Variants in TANC2 observed in about 807,000 individuals in gnomAD.
TANC2 encodes the protein protein TANC2.
TANC2 carries 26 observed loss-of-function variants against 210.5 expected under a neutral mutation model. The ratio of observed to expected loss-of-function variants is 0.12; its 90% CI spans 0.09 to 0.17. The LOEUF is 0.17. Among genes scored for constraint, TANC2 ranks in the 10% least tolerant of loss-of-function variants. The pLI is 1.00. For missense variants in TANC2, 2,129 were observed against 2,608.9 expected, an observed-to-expected ratio of 0.82 and a Z score of 4.01; for synonymous variants, 931 against 967.1, an observed-to-expected ratio of 0.96 and a Z score of 0.69.
intron 2 of TANC2, among the ~76,000 whole-genome samples, chr17:63,034,296 T>G (rs1382109739): frequency 6.6e-6 from 1 of 152,204 alleles, no homozygotes; most frequent in Non-Finnish European, 1.5e-5. Flanking sequence ...ATACTCTACC[T>G]GTGCTCTATA....
intron 9 of TANC2, among the ~76,000 whole-genome samples, chr17:63,280,044 C>CA (rs564305593): frequency 6.6e-6 from 1 of 152,076 alleles, no homozygotes; most frequent in South Asian, 2.1e-4. Flanking sequence ...ACTCAATTCT[C>CA]ATATGTTTAA....
chr17:63,207,780 C>T (rs1239537170), intron 7 of TANC2, among the ~76,000 whole-genome samples: 2 of 152,094 alleles, frequency 1.3e-5, no homozygotes, highest in African/African-American at 2.4e-5. Flanking sequence ...AGAAATGTGT[C>T]TCTTTCAACT....
At chr17:63,225,014 A>G (rs2145962103) in intron 7 of TANC2, among the ~76,000 whole-genome samples, 1 of 152,092 alleles carries the variant, frequency 6.6e-6, no homozygotes, top group East Asian at 1.9e-4. Flanking sequence ...TTTAATTAGG[A>G]TTTAAACATG....
chr17:63,205,074 G>A (rs1409001449), intron 7 of TANC2, among the ~76,000 whole-genome samples: 1 of 152,002 alleles, frequency 6.6e-6, no homozygotes, highest in Non-Finnish European at 1.5e-5. Context: ...AACTGAGCAA[G>A]ACCCTGTCTC....
At chr17:63,005,663 G>A (rs1568311047) in intron 1 of TANC2, among the ~76,000 whole-genome samples, 1 of 151,926 alleles carries the variant, frequency 6.6e-6, no homozygotes, top group Non-Finnish European at 1.5e-5. Flanking sequence ...AGTTTTCAGT[G>A]TCTTTTGTTA....
intron 2 of TANC2, among the ~76,000 whole-genome samples, chr17:63,033,306 T>C (rs1372015292): frequency 1.3e-5 from 2 of 152,152 alleles, no homozygotes; most frequent in Non-Finnish European, 2.9e-5. Context: ...GCTGAAAGTT[T>C]CCCCTGATTT....
chr17:63,204,090 G>A (rs1311476654), intron 7 of TANC2, among the ~76,000 whole-genome samples: 1 of 145,180 alleles, frequency 6.9e-6, no homozygotes, highest in African/African-American at 2.5e-5. Context: ...TCGGTGTGTG[G>A]ATTCATTCAT....
intron 2 of TANC2, among the ~76,000 whole-genome samples, chr17:63,022,574 G>A (rs1247544931): frequency 6.6e-6 from 1 of 152,188 alleles, no homozygotes; most frequent in East Asian, 1.9e-4. Flanking sequence ...CAAAACAAGA[G>A]TGTGACCTGA....
At chr17:63,372,852 A>G (rs1358946445) in intron 14 of TANC2, among the ~76,000 whole-genome samples, 1 of 149,932 alleles carries the variant, frequency 6.7e-6, no homozygotes, top group Non-Finnish European at 1.5e-5. Flanking sequence ...GGCCTTTATG[A>G]CCATATCTGA....
chr17:63,369,691 T>A (rs2047209285), intron 14 of TANC2, among the ~76,000 whole-genome samples: 1 of 151,640 alleles, frequency 6.6e-6, no homozygotes, highest in African/African-American at 2.4e-5. Context: ...GTAGCTGGGA[T>A]TATAGGCATG....
intron 4 of TANC2, among the ~76,000 whole-genome samples, chr17:63,101,606 TGATA>T (rs1051850953): frequency 3.9e-5 from 6 of 152,330 alleles, no homozygotes; most frequent in African/African-American, 1.4e-4. Context: ...GCTCTAGATA[TGATA>T]GAGTGGTGAA....
At chr17:62,984,932 T>C (rs1360445602) in intron 1 of TANC2, among the ~76,000 whole-genome samples, 1 of 152,204 alleles carries the variant, frequency 6.6e-6, no homozygotes, top group African/African-American at 2.4e-5. Context: ...TCTGCAGGTG[T>C]TGGGTGAAAC....
chr17:63,381,622 A>G (rs1163759368), intron 15 of TANC2: 1 of 152,158 alleles, frequency 6.6e-6, no homozygotes, highest in Non-Finnish European at 1.5e-5. Context: ...CTGGTTTTAT[A>G]TTCATAAAGG....
chr17:63,008,942 C>T lies in TANC2; in HGVS notation c.-23-595C>T, dbSNP rs1007506814. On this transcript the variant is annotated intron_variant, in intron 1 of 27. Transcript: ENST00000689528. Reference sequence around the variant, plus strand: ...GAAAGGTAGACAGTATTTATAGCTACCTAATTATGTTTTCTATTGCTCTGC... The same window carrying T: ...GAAAGGTAGACAGTATTTATAGCTATCTAATTATGTTTTCTATTGCTCTGC... Among the ~76,000 whole-genome samples the T allele has an allele frequency of 2.0e-5, 3 of 152,012 alleles. No individual in the cohort carries two copies. In the East Asian group the frequency reaches 5.8e-4, roughly 29 times the overall value.
chr17:63,310,946 G>A (rs1459817272), intron 9 of TANC2, among the ~76,000 whole-genome samples: 1 of 152,172 alleles, frequency 6.6e-6, no homozygotes, highest in Non-Finnish European at 1.5e-5. Flanking sequence ...AGGCAGGTGT[G>A]CCAAGGTGAA....
intron 9 of TANC2, among the ~76,000 whole-genome samples, chr17:63,276,189 G>C (rs1211484672): frequency 2.0e-5 from 3 of 151,938 alleles, no homozygotes; most frequent in Non-Finnish European, 4.4e-5. Context: ...TTCATTTTAA[G>C]GCCACAAACG....
chr17:63,289,378 CT>C (rs1291017460), intron 9 of TANC2, among the ~76,000 whole-genome samples: 8 of 151,962 alleles, frequency 5.3e-5, no homozygotes, highest in African/African-American at 7.2e-5. Context: ...AGTCTTCGTT[CT>C]CTTCGTTTTT....
intron 1 of TANC2, among the ~76,000 whole-genome samples, chr17:63,008,903 A>G (rs2033743416): frequency 6.6e-6 from 1 of 152,056 alleles, no homozygotes; most frequent in Non-Finnish European, 1.5e-5. Context: ...TTGTCCAAGA[A>G]TGGAGAGTCA....
At chr17:63,265,173 G>T (rs2043485755) in intron 8 of TANC2, among the ~76,000 whole-genome samples, 1 of 152,118 alleles carries the variant, frequency 6.6e-6, no homozygotes, top group Admixed American at 6.6e-5. Flanking sequence ...AAATGCTCCA[G>T]ATTCATAAGT....
Sources: allele counts gnomAD v4.1 joint callset (sites outside exome capture counted in the v4.1 genomes callset), GRCh38; gene constraint gnomAD v4.1.1; transcripts MANE v1.5; gene names NCBI Gene and HGNC (gene_info 2026-07-23, HGNC 2026-07-21).